The following TTBK2 variants were observed in gnomAD, a reference collection of about 807,000 sequenced individuals.
TTBK2 encodes tau-tubulin kinase 2.
Under a neutral mutation model 110.8 loss-of-function variants are expected in TTBK2, and 28 were observed. That is an observed-to-expected ratio of 0.25 (90% CI 0.19 to 0.35). TTBK2 has a LOEUF of 0.35. Among genes scored for constraint, TTBK2 ranks in the 10% least tolerant of loss-of-function variants. The pLI, the probability that TTBK2 is intolerant of heterozygous loss-of-function variation, is 1.00. For missense variants in TTBK2, 1,369 were observed against 1,500.3 expected (o/e 0.91, Z 1.45); for synonymous variants, 532 against 527.3 (o/e 1.01, Z -0.12).
rs1891727527 is a variant in TTBK2, at chr15:42,811,684, T to C, written c.696+4A>G. 1.9e-6 allele frequency: 3 copies of C among 1,612,902 alleles called. No homozygotes were observed. The highest frequency in any genetic ancestry group is 1.1e-5 in the South Asian group (1 of 91,042). On this transcript the variant is annotated splice_donor_region_variant and intron_variant, in intron 8 of 14. Transcript: ENST00000267890. ...ACAATTGACATCTCCATTCCCAAAA[T>C]TACCTTGTCCTTTATTTTTCTCCAG...
chr15:42,839,814 G>C (rs538401990), intron 4 of TTBK2, among the ~76,000 whole-genome samples: 14 of 152,146 alleles, frequency 9.2e-5, no homozygotes, highest in Non-Finnish European at 1.5e-4. Context: ...AAAAGGATGA[G>C]CTGGGACCCC....
chr15:42,788,269 T>G (rs1595909862), intron 10 of TTBK2, among the ~76,000 whole-genome samples: 1 of 152,300 alleles, frequency 6.6e-6, no homozygotes, highest in East Asian at 1.9e-4. Flanking sequence ...ATGTAATACT[T>G]CTACTTTATG....
intron 14 of TTBK2, among the ~76,000 whole-genome samples, chr15:42,750,741 A>C (rs188946878): frequency 6.6e-6 from 1 of 152,182 alleles, no homozygotes; most frequent in Non-Finnish European, 1.5e-5. Flanking sequence ...CATAAGAGAC[A>C]TGAATATACA....
At chr15:42,852,876 T>C (rs2141053912) in intron 3 of TTBK2, among the ~76,000 whole-genome samples, 1 of 151,850 alleles carries the variant, frequency 6.6e-6, no homozygotes. Context: ...AACAAAAGAG[T>C]AGATTATATG....
chr15:42,849,677 C>T (rs1039619126), intron 3 of TTBK2, among the ~76,000 whole-genome samples: 10 of 152,110 alleles, frequency 6.6e-5, no homozygotes, highest in African/African-American at 2.4e-4. Context: ...TTTCTAATGT[C>T]AATTCAGTTT....
chr15:42,915,130 G>A (rs910840189), intron 1 of TTBK2, among the ~76,000 whole-genome samples: 7 of 152,232 alleles, frequency 4.6e-5, no homozygotes, highest in African/African-American at 1.7e-4. Flanking sequence ...GTCAACCACA[G>A]TCCAAAAATA....
Position 42,903,062 on chromosome 15 carries a change from C to G in TTBK2, c.-68+17376G>C, listed in dbSNP as rs191266662. On this transcript the variant is annotated intron_variant, in intron 1 of 14. Coordinates refer to ENST00000267890, the MANE Select transcript of TTBK2 (RefSeq NM_173500.4). ...TTTTTTTATTTGAGACAGTCTCGCT[C>G]TGTTGCCCAGGCTCTGTCGCCCATG... Among the ~76,000 whole-genome samples, 44 of 151,800 alleles carry G rather than the reference C, an allele frequency of 2.9e-4. 1 individual carries two copies. In the East Asian group the frequency reaches 5.4e-3, roughly 19 times the overall value.
chr15:42,777,985 C>G (rs1890005564), intron 11 of TTBK2, among the ~76,000 whole-genome samples: 1 of 151,364 alleles, frequency 6.6e-6, no homozygotes, highest in Admixed American at 6.6e-5. Context: ...CAATTTAGGT[C>G]TCCAGAACTC....
intron 3 of TTBK2, among the ~76,000 whole-genome samples, chr15:42,854,906 A>G (rs978011546): frequency 1.3e-5 from 2 of 152,240 alleles, no homozygotes; most frequent in African/African-American, 4.8e-5. Context: ...CAGAAATGGA[A>G]TAGGTATGTT....
At chr15:42,848,522 C>T (rs1463283777) in intron 3 of TTBK2, among the ~76,000 whole-genome samples, 2 of 150,750 alleles carry the variant, frequency 1.3e-5, no homozygotes, top group East Asian at 3.9e-4. Flanking sequence ...CAGAGTTTCA[C>T]TCTTGTTGCC....
intron 4 of TTBK2, among the ~76,000 whole-genome samples, chr15:42,834,955 T>G (rs1892932068): frequency 1.3e-5 from 2 of 152,218 alleles, no homozygotes; most frequent in Admixed American, 6.5e-5. Flanking sequence ...TATAGTTATA[T>G]ATTTATTATG....
At chr15:42,856,018 A>G (rs1377522747) in intron 3 of TTBK2, among the ~76,000 whole-genome samples, 2 of 152,222 alleles carry the variant, frequency 1.3e-5, no homozygotes, top group Non-Finnish European at 2.9e-5. Context: ...TTGATAAACA[A>G]AAGAGAAGAA....
chr15:42,770,425 G>A (rs923583567), intron 13 of TTBK2, among the ~76,000 whole-genome samples: 1 of 152,094 alleles, frequency 6.6e-6, no homozygotes, highest in Non-Finnish European at 1.5e-5. Flanking sequence ...CCAACTCACA[G>A]TAGACACTCA....
chr15:42,884,911 TTAA>T, intron 1 of TTBK2, among the ~76,000 whole-genome samples: 1 of 152,064 alleles, frequency 6.6e-6, no homozygotes, highest in Non-Finnish European at 1.5e-5. Flanking sequence ...CCCCCCACCC[TTAA>T]TAAGGTTCTT....
chr15:42,791,727 T>C (rs1246875358), intron 10 of TTBK2, among the ~76,000 whole-genome samples: 1 of 152,266 alleles, frequency 6.6e-6, no homozygotes, highest in African/African-American at 2.4e-5. Flanking sequence ...CACTCAGTCC[T>C]AGGCATCATG....
chr15:42,872,738 C>T lies in TTBK2; in HGVS notation c.90G>A (p.Gly30=), dbSNP rs994352121. The T allele has an allele frequency of 1.2e-6, 2 of 1,613,958 alleles. No homozygotes were observed. The highest frequency in any genetic ancestry group is 2.2e-5 in the East Asian group (1 of 44,874). ...RWKVLRKIGG[G]GFGEIYDALD... ...AGGCATCGTAAATTTCTCCAAAGCC[C>T]CCACCCCCAATCTTTCTCAACTGCA... The change falls in exon 3 of 15, where the codon GGG becomes GGA. Residue 30 remains glycine, a synonymous_variant. Coordinates refer to ENST00000267890, the MANE Select transcript of TTBK2 (RefSeq NM_173500.4).
chr15:42,810,734 T>A lies in TTBK2; in HGVS notation c.702A>T (p.Gln234His). The change falls in exon 9 of 15, where the codon CAA becomes CAT. Residue 234 changes from glutamine (Q) to histidine (H), a missense_variant. By Grantham distance (24) the Gln-to-His change is conservative (BLOSUM62 0). This residue lies in a region of TTBK2 where 138 missense variants were observed against 179.0 expected (regional missense o/e 0.77). Transcript: ENST00000267890. ...LPWRKIKDKEQVGSIKERYDH... is the reference protein window; with the variant it reads ...LPWRKIKDKEHVGSIKERYDH... Reference sequence around the variant, plus strand: ...CATATCTCTCCTTAATAGAGCCTACTTGCTCCTGGGAAGTAAAGAGAAAAA... The same window carrying A: ...CATATCTCTCCTTAATAGAGCCTACATGCTCCTGGGAAGTAAAGAGAAAAA... 6.2e-7 allele frequency: 1 copy of A among 1,613,706 alleles called. No homozygotes were observed. Among genetic ancestry groups the A allele is most frequent in the Non-Finnish European group, 8.5e-7 (1 of 1,179,864 alleles).
At chr15:42,896,047 C>T (rs542866318) in intron 1 of TTBK2, among the ~76,000 whole-genome samples, 76 of 149,752 alleles carry the variant, frequency 5.1e-4, no homozygotes, top group African/African-American at 1.7e-3. Context: ...AAAGACAGGC[C>T]GGGTGTGGTG....
chr15:42,888,439 C>A (rs1567079392), intron 1 of TTBK2, among the ~76,000 whole-genome samples: 1 of 152,058 alleles, frequency 6.6e-6, no homozygotes, highest in Admixed American at 6.6e-5. Flanking sequence ...CTGTTCCTCA[C>A]CCAGAACACA....
Sources: gnomAD v4.1 joint callset for allele counts (sites outside exome capture counted in the v4.1 genomes callset) on GRCh38, gnomAD v4.1.1 for gene constraint, gnomAD v4.1.1 regional missense constraint, MANE v1.5 for transcripts, NCBI Gene and HGNC (gene_info 2026-07-23, HGNC 2026-07-21) for gene names.